PPIH: variants seen among roughly 807,000 people sequenced by gnomAD.
PPIH encodes the protein peptidylprolyl isomerase H, also known as peptidyl-prolyl cis-trans isomerase H.
PPIH carries 16 observed loss-of-function variants against 27.6 expected under a neutral mutation model. That is an observed-to-expected ratio of 0.58 (90% CI 0.39 to 0.88). The LOEUF (loss-of-function observed/expected upper bound fraction) is 0.88, where lower values mean the gene tolerates loss of function less well. Among genes scored for constraint, PPIH ranks in the 40% least tolerant of loss-of-function variants. The pLI, the probability that PPIH is intolerant of heterozygous loss-of-function variation, is 0.00. For missense variants in PPIH, 155 were observed against 224.1 expected (o/e 0.69, Z 1.97); for synonymous variants, 63 against 76.1 (o/e 0.83, Z 0.90).
chr1:42,664,606 A>G (rs978250583), intron 5 of PPIH, among the ~76,000 whole-genome samples: 1 of 152,044 alleles, frequency 6.6e-6, no homozygotes, highest in Admixed American at 6.6e-5. Context: ...ATCTTAATTG[A>G]TCGTTCTAGA....
intron 9 of PPIH, among the ~76,000 whole-genome samples, chr1:42,674,994 C>T (rs1649814551): frequency 6.6e-6 from 1 of 152,178 alleles, no homozygotes; most frequent in Admixed American, 6.5e-5. Flanking sequence ...ACTATACAGC[C>T]TTAACAAAAT....
chr1:42,680,075 G>A (rs1256495570), downstream of PPIH, among the ~76,000 whole-genome samples: 2 of 152,242 alleles, frequency 1.3e-5, no homozygotes, highest in East Asian at 1.9e-4. Context: ...TAAGATGGGA[G>A]GGATTCTTAA....
At chr1:42,672,309 T>C (rs761210093) in intron 9 of PPIH, among the ~76,000 whole-genome samples, 5 of 152,142 alleles carry the variant, frequency 3.3e-5, no homozygotes, top group Non-Finnish European at 5.9e-5. Flanking sequence ...TCTCAGGTGA[T>C]GCTGATGCAG....
At chr1:42,666,739 C>A in intron 8 of PPIH, 152 bp downstream of exon 8, 1 of 755,644 alleles carries the variant, frequency 1.3e-6, no homozygotes, top group South Asian at 1.8e-5. Context: ...CTAAGTTAGC[C>A]TGTCTGGCCA....
At chr1:42,662,238 T>C (rs1003471236) in intron 5 of PPIH, among the ~76,000 whole-genome samples, 3 of 152,176 alleles carry the variant, frequency 2.0e-5, no homozygotes, top group African/African-American at 7.2e-5. Context: ...CAATAGTTGC[T>C]CAGTCTGAAG....
At chr1:42,669,934 C>CT (rs1557518209) in intron 9 of PPIH, among the ~76,000 whole-genome samples, 4 of 152,090 alleles carry the variant, frequency 2.6e-5, no homozygotes, top group Admixed American at 6.6e-5. Flanking sequence ...TTTTTCTTGT[C>CT]TTTTTTTCCA....
chr1:42,669,211 GGAAAA>G (rs1649502632), intron 9 of PPIH, among the ~76,000 whole-genome samples: 1 of 144,908 alleles, frequency 6.9e-6, no homozygotes, highest in Non-Finnish European at 1.5e-5. Flanking sequence ...AAAAAAAAAA[GGAAAA>G]GAAAAACCGA....
chr1:42,665,066 TG>T, intron 6 of PPIH, 111 bp downstream of exon 6: 1 of 924,844 alleles, frequency 1.1e-6, no homozygotes, highest in Non-Finnish European at 1.7e-6. Context: ...TTCTCTTGCT[TG>T]GCCCAGGACT....
In PPIH at chr1:42,660,720, G is replaced by A. The variant is rs112415106; in HGVS notation, c.201-142G>A. ...GCTGGGATTACAGGCGTGAGCTACC[G>A]CACCCAGCTAAGAGTAATGATTTTA... On this transcript the variant is annotated intron_variant, in intron 4 of 9. Transcript: ENST00000304979. 1,312 of 695,888 alleles carry A rather than the reference G, an allele frequency of 1.9e-3. 14 individuals are homozygous for A. The African/African-American group carries it at 0.022, about 12-fold the overall frequency. 43.1% of individuals were successfully genotyped at this position (695,888 alleles called of 1,614,324 possible). A position where few individuals can be genotyped will look rare whatever the true frequency, so the allele number is the denominator to read the frequency against.
At chr1:42,659,200 T>C in intron 2 of PPIH, 28 bp from the exon 3 acceptor site, 1 of 1,614,132 alleles carries the variant, frequency 6.2e-7, no homozygotes, top group Non-Finnish European at 8.5e-7. Flanking sequence ...TCATAGTGAT[T>C]GAATCATTCA....
chr1:42,666,168 G>C, intron 7 of PPIH, 101 bp downstream of exon 7: 2 of 1,123,298 alleles, frequency 1.8e-6, no homozygotes, highest in South Asian at 2.5e-5. Flanking sequence ...CTCAACCTGT[G>C]TAACTGCTTA....
chr1:42,665,219 C>T (rs1272141760), intron 6 of PPIH, among the ~76,000 whole-genome samples: 2 of 151,846 alleles, frequency 1.3e-5, no homozygotes, highest in Non-Finnish European at 1.5e-5. Context: ...GCCTGGCCAA[C>T]ATGGTGAAAC....
intron 6 of PPIH, 27 bp downstream of exon 6, chr1:42,664,982 G>T: frequency 6.3e-7 from 1 of 1,599,798 alleles, no homozygotes; most frequent in Non-Finnish European, 8.6e-7. Flanking sequence ...CAAGGTTTTG[G>T]GTTATAGCCA....
intron 9 of PPIH, among the ~76,000 whole-genome samples, chr1:42,676,338 G>A (rs770453339): frequency 6.6e-6 from 1 of 152,092 alleles, no homozygotes; most frequent in Non-Finnish European, 1.5e-5. Flanking sequence ...TGTGGTGGCA[G>A]GCGCCTGTAT....
chr1:42,671,289 G>C lies in PPIH; in HGVS notation c.*21+3849G>C, dbSNP rs557958537. 2.0e-5 allele frequency among the ~76,000 whole-genome samples: 3 copies of C among 152,192 alleles called. No homozygotes were observed. The South Asian group carries it at 6.2e-4, about 32-fold the overall frequency. Reference sequence around the variant, plus strand: ...CTAAAATTACAAAAATTAGCCGGGCGTGATGACACACGCCTGTAATCCCAG... The same window carrying C: ...CTAAAATTACAAAAATTAGCCGGGCCTGATGACACACGCCTGTAATCCCAG... On this transcript the variant is annotated intron_variant, in intron 9 of 9. Coordinates refer to ENST00000304979, the MANE Select transcript of PPIH (RefSeq NM_006347.4).
At chr1:42,675,883 T>C (rs1165154499) in intron 9 of PPIH, among the ~76,000 whole-genome samples, 1 of 152,086 alleles carries the variant, frequency 6.6e-6, no homozygotes, top group African/African-American at 2.4e-5. Flanking sequence ...GGACAAAGGC[T>C]TTGGAGCCAA....
chr1:42,666,653 A>G, intron 8 of PPIH, 66 bp downstream of exon 8: 4 of 1,507,784 alleles, frequency 2.7e-6, no homozygotes, highest in South Asian at 1.1e-5. Context: ...ACTAGCGTGC[A>G]GGAGCTAGAG....
At chr1:42,680,195 A>T (rs1156735921), downstream of PPIH, among the ~76,000 whole-genome samples, 1 of 152,198 alleles carries the variant, frequency 6.6e-6, no homozygotes, top group Non-Finnish European at 1.5e-5. Context: ...TCCAAACGTA[A>T]CAGTGGCTAA....
At chr1:42,679,129 G>C (rs1022754179), downstream of PPIH, among the ~76,000 whole-genome samples, 6 of 152,246 alleles carry the variant, frequency 3.9e-5, no homozygotes, top group African/African-American at 1.2e-4. Flanking sequence ...GTAAAGCTCT[G>C]CAGTGGTGCT....
Sources: allele counts gnomAD v4.1 joint callset (sites outside exome capture counted in the v4.1 genomes callset), GRCh38; gene constraint gnomAD v4.1.1; transcripts MANE v1.5; gene names NCBI Gene and HGNC (gene_info 2026-07-23, HGNC 2026-07-21).